The following SPRY3 variants were observed in gnomAD, a reference collection of about 807,000 sequenced individuals.
SPRY3 encodes the protein protein sprouty homolog 3.
In SPRY3, 15 loss-of-function variants were observed where a neutral mutation model predicts 20.2. The ratio of observed to expected loss-of-function variants is 0.74; its 90% CI spans 0.50 to 1.14. The LOEUF (loss-of-function observed/expected upper bound fraction) is 1.14. SPRY3 is among the 50% of genes most tolerant of loss of function. The pLI is 0.00. For synonymous variants in SPRY3, 143 were observed against 136.5 expected (o/e 1.05, Z -0.33); for missense variants, 364 against 363.9 (o/e 1.00, Z 0.00).
intron 2 of SPRY3, among the ~76,000 whole-genome samples, chrX:155,724,837 C>T (rs1416180625): frequency 6.6e-6 from 1 of 152,088 alleles, no homozygotes; most frequent in Non-Finnish European, 1.5e-5. Flanking sequence ...TTGCCCTGGC[C>T]AGAACTTCCA....
chrX:155,644,267 A>T (rs1306161360), intron 1 of SPRY3, among the ~76,000 whole-genome samples: 1 of 101,583 alleles, frequency 9.8e-6, no homozygotes, highest in African/African-American at 3.6e-5. Flanking sequence ...CACCACAGAG[A>T]CTACACTGCA....
intron 2 of SPRY3, among the ~76,000 whole-genome samples, chrX:155,713,634 C>A (rs2091002029): frequency 6.6e-6 from 1 of 152,062 alleles, no homozygotes; most frequent in Non-Finnish European, 1.5e-5. Context: ...CTTTCTTTAT[C>A]CTTGACCTTT....
chrX:155,695,088 A>C (rs1260034802), intron 2 of SPRY3, among the ~76,000 whole-genome samples: 1 of 112,171 alleles, frequency 8.9e-6, no homozygotes, highest in African/African-American at 3.2e-5. Context: ...ATTTTAAAGA[A>C]ATTATGAGGG....
At chrX:155,687,261 T>C (rs748605958) in intron 2 of SPRY3, among the ~76,000 whole-genome samples, 1 of 112,720 alleles carries the variant, frequency 8.9e-6, no homozygotes, top group East Asian at 2.8e-4. Context: ...ACATCATTTA[T>C]AAATTGATCA....
intron 2 of SPRY3, among the ~76,000 whole-genome samples, chrX:155,759,055 T>A (rs866947853): frequency 1.8e-4 from 28 of 151,776 alleles, no homozygotes; most frequent in African/African-American, 6.8e-4. Flanking sequence ...CTGCTCTCAA[T>A]GGATCTTATT....
At chrX:155,721,078 C>G (rs1182732716) in intron 2 of SPRY3, among the ~76,000 whole-genome samples, 1 of 152,042 alleles carries the variant, frequency 6.6e-6, no homozygotes, top group Admixed American at 6.6e-5. Context: ...ATCAGATAAA[C>G]TTAACACAGA....
At chrX:155,695,162 G>T (rs979612442) in intron 2 of SPRY3, among the ~76,000 whole-genome samples, 1 of 111,585 alleles carries the variant, frequency 9.0e-6, no homozygotes, top group Non-Finnish European at 1.9e-5. Flanking sequence ...TCTAATGCAG[G>T]TTTGCTCTGC....
At chrX:155,745,260 T>C (rs141344766) in intron 2 of SPRY3, among the ~76,000 whole-genome samples, 42 of 152,228 alleles carry the variant, frequency 2.8e-4, no homozygotes, top group African/African-American at 9.6e-4. Flanking sequence ...TGAAGCAGGG[T>C]AAAGAGCTTT....
chrX:155,762,449 T>A (rs550167133), intron 2 of SPRY3, among the ~76,000 whole-genome samples: 1 of 152,136 alleles, frequency 6.6e-6, no homozygotes, highest in African/African-American at 2.4e-5. Context: ...GTAGAGAAAA[T>A]AATATTTGAT....
intron 2 of SPRY3, among the ~76,000 whole-genome samples, chrX:155,710,317 T>C (rs1442483513): frequency 2.0e-5 from 3 of 151,908 alleles, no homozygotes; most frequent in Admixed American, 2.0e-4. Context: ...TTCCATTTTT[T>C]GTGCGTACTC....
chrX:155,753,868 C>T (rs2091273658), intron 2 of SPRY3, among the ~76,000 whole-genome samples: 1 of 151,950 alleles, frequency 6.6e-6, no homozygotes, highest in African/African-American at 2.4e-5. Flanking sequence ...TGTTTTCATG[C>T]ACATATTGGC....
intron 2 of SPRY3, among the ~76,000 whole-genome samples, chrX:155,747,216 T>C (rs2091231983): frequency 6.6e-6 from 1 of 151,886 alleles, no homozygotes; most frequent in Non-Finnish European, 1.5e-5. Flanking sequence ...TTAATCTAAT[T>C]TTCAACTAAT....
intron 2 of SPRY3, among the ~76,000 whole-genome samples, chrX:155,727,476 A>G (rs1263190196): frequency 2.0e-5 from 3 of 152,058 alleles, no homozygotes; most frequent in African/African-American, 7.2e-5. Context: ...ACATAGTCCC[A>G]TGTTTCTTGG....
At chrX:155,754,692 C>T (rs1451743532) in intron 2 of SPRY3, among the ~76,000 whole-genome samples, 1 of 151,932 alleles carries the variant, frequency 6.6e-6, no homozygotes, top group Non-Finnish European at 1.5e-5. Flanking sequence ...GTATTTCTAT[C>T]TTAACAATAT....
intron 1 of SPRY3, among the ~76,000 whole-genome samples, chrX:155,642,099 G>A (rs898262031): frequency 8.1e-5 from 9 of 111,043 alleles, no homozygotes; most frequent in Non-Finnish European, 1.7e-4. Context: ...TCTTTGTCTG[G>A]TTTTGATATC....
intron 1 of SPRY3, among the ~76,000 whole-genome samples, chrX:155,632,134 G>A (rs1320297150): frequency 3.7e-5 from 4 of 109,222 alleles, no homozygotes; most frequent in East Asian, 5.7e-4. Flanking sequence ...TAGAACTTTC[G>A]TGACATAATG....
At chrX:155,774,824 T>C in exon 4 of SPRY3, 1 of 1,466,992 alleles carries the variant, frequency 6.8e-7, no homozygotes, top group Non-Finnish European at 9.2e-7. Flanking sequence ...GGGGGAGGAG[T>C]GATAAACTAG....
intron 2 of SPRY3, among the ~76,000 whole-genome samples, chrX:155,713,730 C>G (rs1481371058): frequency 1.3e-5 from 2 of 151,848 alleles, no homozygotes; most frequent in African/African-American, 2.4e-5. Context: ...TGAATGTTAT[C>G]TTTCTCTAGG....
At chrX:155,633,958 G>A (rs781786683) in intron 1 of SPRY3, among the ~76,000 whole-genome samples, 243 of 111,233 alleles carry the variant, frequency 2.2e-3, no homozygotes, top group Non-Finnish European at 3.8e-3. Context: ...GCATGCGCCC[G>A]TAGTTCCAGC....
Sources: gnomAD v4.1 joint callset for allele counts (sites outside exome capture counted in the v4.1 genomes callset) on GRCh38, gnomAD v4.1.1 for gene constraint, MANE v1.5 for transcripts, NCBI Gene and HGNC (gene_info 2026-07-23, HGNC 2026-07-21) for gene names.